The following COL23A1 variants were observed in gnomAD, a reference collection of about 807,000 sequenced individuals.
COL23A1 encodes the protein collagen alpha-1(XXIII) chain.
A neutral mutation model predicts 99.3 loss-of-function variants in COL23A1; 97 were observed. The ratio of observed to expected loss-of-function variants is 0.98; its 90% CI spans 0.83 to 1.16. COL23A1 has a LOEUF of 1.16. Among genes scored for constraint, COL23A1 ranks in the 50% most tolerant of loss-of-function variants. The pLI is 0.00. For synonymous variants in COL23A1, 320 were observed against 308.2 expected, an observed-to-expected ratio of 1.04 and a Z score of -0.40; for missense variants, 762 against 757.4, an observed-to-expected ratio of 1.01 and a Z score of -0.07.
chr5:178,270,382 A>T lies in COL23A1; in HGVS notation c.442-19T>A, dbSNP rs749716927. Reference sequence around the variant, plus strand: ...GGGGTCCCTGGAAAACGAGAGAGAGAGAACACAGGTTACACACGGGGATGA... The same window carrying T: ...GGGGTCCCTGGAAAACGAGAGAGAGTGAACACAGGTTACACACGGGGATGA... On this transcript the variant is annotated intron_variant, in intron 5 of 28. Coordinates refer to ENST00000390654, the MANE Select transcript of COL23A1 (RefSeq NM_173465.4). The T allele has an allele frequency of 6.2e-7, 1 of 1,613,786 alleles. No homozygotes were observed. Among genetic ancestry groups the T allele is most frequent in the African/African-American group, 1.3e-5 (1 of 75,034 alleles).
At chr5:178,271,295 A>C (rs1756272893) in intron 5 of COL23A1, among the ~76,000 whole-genome samples, 1 of 150,494 alleles carries the variant, frequency 6.6e-6, no homozygotes, top group Admixed American at 6.6e-5. Context: ...CTGTCCCCTC[A>C]CCCCCACATA....
chr5:178,375,344 C>G (rs747741945), intron 2 of COL23A1, among the ~76,000 whole-genome samples: 3 of 152,232 alleles, frequency 2.0e-5, no homozygotes, highest in Non-Finnish European at 4.4e-5. Context: ...AAACGGACAT[C>G]TCTCCCCTGG....
At chr5:178,385,729 C>T (rs775812099) in intron 2 of COL23A1, among the ~76,000 whole-genome samples, 3 of 152,200 alleles carry the variant, frequency 2.0e-5, no homozygotes, top group Non-Finnish European at 4.4e-5. Flanking sequence ...AGCAAACTGA[C>T]GTAGGAAACA....
chr5:178,580,264 G>T lies in COL23A1; in HGVS notation c.294+9640C>A, dbSNP rs150654951. ...AATCACTTGAACCTGAGAGGCAGAG[G>T]CTGCAGTGAGCCGAGATCGTGCCAT... On this transcript the variant is annotated intron_variant, in intron 1 of 28. Transcript: ENST00000390654. 3.8e-3 allele frequency among the ~76,000 whole-genome samples: 585 copies of T among 151,970 alleles called. 2 individuals carry two copies. The highest frequency in any genetic ancestry group is 7.0e-3 in the Non-Finnish European group (479 of 67,966).
At chr5:178,373,978 C>T (rs1423453031) in intron 2 of COL23A1, among the ~76,000 whole-genome samples, 3 of 152,098 alleles carry the variant, frequency 2.0e-5, no homozygotes, top group Non-Finnish European at 2.9e-5. Context: ...GCAGCACCGG[C>T]GCCCGCACCC....
intron 2 of COL23A1, among the ~76,000 whole-genome samples, chr5:178,382,104 G>A (rs1763412774): frequency 6.6e-6 from 1 of 151,974 alleles, no homozygotes; most frequent in Non-Finnish European, 1.5e-5. Context: ...TCTTCGGGGG[G>A]AATGGGTGGG....
At position 178,306,295 on chromosome 5, in the gene COL23A1, G is replaced by C. The variant is rs1293935583; in HGVS notation, c.406+580C>G. 8.1e-6 allele frequency among the ~76,000 whole-genome samples: 1 copy of C among 122,768 alleles called. No homozygotes were observed. The highest frequency in any genetic ancestry group is 1.7e-5 in the Non-Finnish European group (1 of 58,290). The allele number at this position is 122,768 out of a possible 152,430, so 80.5% of individuals were successfully genotyped here. A position where few individuals can be genotyped will look rare whatever the true frequency, so the allele number is the denominator to read the frequency against. On this transcript the variant is annotated intron_variant, in intron 3 of 28. Coordinates refer to ENST00000390654, the MANE Select transcript of COL23A1 (RefSeq NM_173465.4). The surrounding 1 kb of genome is among the most constrained non-coding windows in gnomAD (Gnocchi z 4.1). ...CAGAGGTCAGCATGACTTTAGCTAA[G>C]ACGATGTCAGAGGGGCTTAGGGAAG...
chr5:178,290,248 G>C, intron 4 of COL23A1, 114 bp downstream of exon 4: 1 of 1,470,882 alleles, frequency 6.8e-7, no homozygotes, highest in Admixed American at 1.7e-5. Context: ...TAATAGGACT[G>C]ATGTTTTCTG....
At chr5:178,344,603 A>G (rs913497431) in intron 2 of COL23A1, among the ~76,000 whole-genome samples, 6 of 152,022 alleles carry the variant, frequency 3.9e-5, no homozygotes, top group African/African-American at 1.5e-4. Flanking sequence ...ACATCATGTC[A>G]CTGCACTCCA....
intron 2 of COL23A1, among the ~76,000 whole-genome samples, chr5:178,556,625 TTAAAATAAAATAAAA>T (rs374978162): frequency 2.2e-4 from 27 of 124,542 alleles, no homozygotes; most frequent in Admixed American, 3.3e-4. Context: ...CTCTGTCAAA[TTAAAATAAAATAAAA>T]TAAAATAAAA....
chr5:178,329,089 C>T (rs1290293946), intron 2 of COL23A1, among the ~76,000 whole-genome samples: 1 of 152,190 alleles, frequency 6.6e-6, no homozygotes, highest in Non-Finnish European at 1.5e-5. Flanking sequence ...AGAAAGCCCC[C>T]CTCCAGGTGG....
chr5:178,461,061 A>G lies in COL23A1; in HGVS notation c.361+99621T>C, dbSNP rs1756095051. On this transcript the variant is annotated intron_variant, in intron 2 of 28. Coordinates refer to ENST00000390654, the MANE Select transcript of COL23A1 (RefSeq NM_173465.4). ...GCAGGTTGGGGAACAGAAACAAGCC[A>G]CTTTACATTTTTGGCAGCAGGACCA... Among the ~76,000 whole-genome samples, 3 of 152,306 alleles carry G rather than the reference A, an allele frequency of 2.0e-5. No individual in the cohort carries two copies. The South Asian group carries it at 6.2e-4, about 32-fold the overall frequency.
At chr5:178,290,277 C>G in intron 4 of COL23A1, 85 bp downstream of exon 4, 1 of 1,603,648 alleles carries the variant, frequency 6.2e-7, no homozygotes, top group Non-Finnish European at 8.5e-7. Context: ...CCTCCCTAAC[C>G]AAAATTATGT....
chr5:178,495,375 G>A (rs1758143587), intron 2 of COL23A1, among the ~76,000 whole-genome samples: 1 of 152,246 alleles, frequency 6.6e-6, no homozygotes. Flanking sequence ...AGGGCATAGA[G>A]GATGGTCTGA....
chr5:178,283,032 G>A (rs1338199566), intron 5 of COL23A1, among the ~76,000 whole-genome samples: 5 of 152,010 alleles, frequency 3.3e-5, no homozygotes, highest in African/African-American at 1.2e-4. Context: ...CACCACACCT[G>A]GCTAGTTTTT....
At position 178,256,926 on chromosome 5, in the gene COL23A1, G is replaced by C; in HGVS notation, c.777C>G (p.Gly259=). 1 of 1,613,300 alleles carries C rather than the reference G, an allele frequency of 6.2e-7. No homozygotes were observed. Among genetic ancestry groups the C allele is most frequent in the Non-Finnish European group, 8.5e-7 (1 of 1,179,766 alleles). Residue 259 remains glycine, a splice_region_variant and synonymous_variant, in exon 14 of 29, where the codon GGC becomes GGG. Coordinates refer to ENST00000390654, the MANE Select transcript of COL23A1 (RefSeq NM_173465.4). ...PSQPGPPGPK[G]EPGSMGPRGE... ...CCCGAGGCCCCATGCTCCCTGGCTCGCCCTGAAACAGACACAGCTGCAGTG... is the reference window on the plus strand; with the variant it reads ...CCCGAGGCCCCATGCTCCCTGGCTCCCCCTGAAACAGACACAGCTGCAGTG...
At chr5:178,389,398 T>C (rs1763842035) in intron 2 of COL23A1, among the ~76,000 whole-genome samples, 1 of 152,188 alleles carries the variant, frequency 6.6e-6, no homozygotes, top group African/African-American at 2.4e-5. Context: ...CATCTGCATT[T>C]AGTCAAAGTG....
chr5:178,489,730 T>C (rs1757826922), intron 2 of COL23A1, among the ~76,000 whole-genome samples: 1 of 152,190 alleles, frequency 6.6e-6, no homozygotes, highest in Non-Finnish European at 1.5e-5. Context: ...CCCAGCTTCT[T>C]GCACCTCACC....
intron 2 of COL23A1, among the ~76,000 whole-genome samples, chr5:178,419,095 C>G (rs1220575757): frequency 1.3e-5 from 2 of 152,176 alleles, no homozygotes; most frequent in Non-Finnish European, 2.9e-5. Context: ...CCTCCTCCAC[C>G]CAGGCGTTGG....
Sources: allele counts gnomAD v4.1 joint callset (sites outside exome capture counted in the v4.1 genomes callset), GRCh38; gene constraint gnomAD v4.1.1; non-coding constraint Gnocchi (gnomAD v3.1); transcripts MANE v1.5; gene names NCBI Gene and HGNC (gene_info 2026-07-23, HGNC 2026-07-21).